Variants in DYNC1H1 observed in about 807,000 individuals in gnomAD.
The protein encoded by DYNC1H1 is dynein cytoplasmic 1 heavy chain 1.
In DYNC1H1, 51 loss-of-function variants were observed where a neutral mutation model predicts 527.1. The ratio of observed to expected loss-of-function variants is 0.10; its 90% CI spans 0.08 to 0.12. DYNC1H1 has a LOEUF of 0.12. DYNC1H1 is among the 10% of genes least tolerant of loss of function. The pLI, the probability that DYNC1H1 is intolerant of heterozygous loss-of-function variation, is 1.00. For synonymous variants in DYNC1H1, 2,189 were observed against 2,278.8 expected (o/e 0.96, Z 1.12); for missense variants, 2,771 against 5,971.8 (o/e 0.46, Z 17.66).
Position 102,018,623 on chromosome 14 carries a change from AG to A in DYNC1H1, c.8343+8del. The A allele has an allele frequency of 6.2e-7, 1 of 1,613,428 alleles. No homozygotes were observed. The highest frequency in any genetic ancestry group is 8.5e-7 in the Non-Finnish European group (1 of 1,179,990). ...GTTCTACACCATGTCTCAGGTACGC[AG>A]AGTTTCTTTGCTCTTCCAGAAATTG... On this transcript the variant is annotated splice_region_variant and intron_variant, in intron 41 of 77. Coordinates refer to ENST00000360184, the MANE Select transcript of DYNC1H1 (RefSeq NM_001376.5). This position sits in a 1 kb window ranked among gnomAD's most constrained non-coding sequence, Gnocchi z 5.2.
intron 2 of DYNC1H1, among the ~76,000 whole-genome samples, chr14:101,978,944 A>G (rs1464123981): frequency 2.6e-5 from 4 of 152,222 alleles, no homozygotes; most frequent in Non-Finnish European, 4.4e-5. Flanking sequence ...GGACCAGACT[A>G]AGGGGAGCCT....
At chr14:102,003,651 C>G (rs75895593) in intron 23 of DYNC1H1, among the ~76,000 whole-genome samples, 1 of 152,120 alleles carries the variant, frequency 6.6e-6, no homozygotes, top group Non-Finnish European at 1.5e-5. Context: ...GTTAATAGGC[C>G]GGGCGTGGTG....
intron 42 of DYNC1H1, among the ~76,000 whole-genome samples, chr14:102,021,656 C>CTTTTT (rs757880988): frequency 2.5e-4 from 30 of 119,818 alleles, no homozygotes; most frequent in East Asian, 7.2e-4. Context: ...TTTTCTTTTT[C>CTTTTT]TTTTTTTTTT....
At position 102,000,402 on chromosome 14, in the gene DYNC1H1, A is replaced by G; in HGVS notation, c.4074+3A>G. The G allele has an allele frequency of 6.2e-7, 1 of 1,613,684 alleles. No individual in the cohort carries two copies. The highest frequency in any genetic ancestry group is 8.5e-7 in the Non-Finnish European group (1 of 1,179,626). ...GGGTTTCAGTACAGCCTCGAAAGGTATATCATGAAATCGGTGTTTGTGTAC... is the reference window on the plus strand; with the variant it reads ...GGGTTTCAGTACAGCCTCGAAAGGTGTATCATGAAATCGGTGTTTGTGTAC... On this transcript the variant is annotated splice_donor_region_variant and intron_variant, in intron 18 of 77. Transcript: ENST00000360184.
rs1257253649 is a variant in DYNC1H1, at chr14:102,016,178, G to A, written c.7473+92G>A. 5.9e-6 allele frequency: 9 copies of A among 1,517,840 alleles called. No individual in the cohort carries two copies. The highest frequency in any genetic ancestry group is 2.4e-5 in the South Asian group (2 of 83,554). 94.0% of individuals were successfully genotyped at this position (1,517,840 alleles called of 1,614,324 possible). ...AAATGCTGCACCTGTGGGGATGTGC[G>A]CTCTCTCCTAGGCGAGGCAGAGCCT... On this transcript the variant is annotated intron_variant, in intron 36 of 77. Transcript: ENST00000360184. This position sits in a 1 kb window ranked among gnomAD's most constrained non-coding sequence, Gnocchi z 7.3.
At position 101,965,324 on chromosome 14, in the gene DYNC1H1, C is replaced by G. The variant is rs1430384773; in HGVS notation, c.256+377C>G. Among the ~76,000 whole-genome samples the G allele has an allele frequency of 1.3e-5, 2 of 152,234 alleles. No homozygotes were observed. The highest frequency in any genetic ancestry group is 4.8e-5 in the African/African-American group (2 of 41,466). Reference sequence around the variant, plus strand: ...GCCGAGTTGGGTGGAGACAGCGTCTCCCTGGGCTGAGAGCGGGCGAGGCCG... The same window carrying G: ...GCCGAGTTGGGTGGAGACAGCGTCTGCCTGGGCTGAGAGCGGGCGAGGCCG... On this transcript the variant is annotated intron_variant, in intron 1 of 77. Coordinates refer to ENST00000360184, the MANE Select transcript of DYNC1H1 (RefSeq NM_001376.5). The surrounding 1 kb of genome is among the most constrained non-coding windows in gnomAD (Gnocchi z 4.1).
chr14:102,001,640 A>C lies in DYNC1H1; in HGVS notation c.4501A>C (p.Ile1501Leu), dbSNP rs368821864. The C allele has an allele frequency of 6.8e-6, 11 of 1,614,120 alleles. No homozygotes were observed. Among genetic ancestry groups the C allele is most frequent in the Non-Finnish European group, 9.3e-6 (11 of 1,180,054 alleles). ...DDLFNKVKEH[I>L]NSVSAMKLSP... ...CCTCTTCAACAAGGTCAAAGAACAC[A>C]TCAACAGCGTCTCGGCCATGAAGCT... The change falls in exon 21 of 78, where the codon ATC becomes CTC. Residue 1501 changes from isoleucine to leucine, a missense_variant. Ile to Leu is a conservative substitution (Grantham distance 5). This residue lies in a region of DYNC1H1 where 223 missense variants were observed against 462.5 expected (regional missense o/e 0.48). Transcript: ENST00000360184. The surrounding 1 kb of genome is among the most constrained non-coding windows in gnomAD (Gnocchi z 5.0).
intron 5 of DYNC1H1, among the ~76,000 whole-genome samples, chr14:101,981,104 T>G (rs1219220464): frequency 6.6e-6 from 1 of 152,152 alleles, no homozygotes; most frequent in East Asian, 1.9e-4. Flanking sequence ...TTGTTTTGTT[T>G]TTTTCTTTTT....
chr14:102,043,845 G>T, intron 69 of DYNC1H1, 30 bp from the exon 70 acceptor site: 2 of 1,614,058 alleles, frequency 1.2e-6, no homozygotes, highest in South Asian at 2.2e-5. Context: ...GTTTTCTAAT[G>T]ACTCTGTGCT....
At chr14:101,999,027 T>A (rs1294255787) in intron 16 of DYNC1H1, among the ~76,000 whole-genome samples, 1 of 151,418 alleles carries the variant, frequency 6.6e-6, no homozygotes, top group Non-Finnish European at 1.5e-5. Flanking sequence ...GACTACAGGC[T>A]CCCGCCACCA....
At position 102,004,012 on chromosome 14, in the gene DYNC1H1, C is replaced by A. The variant is rs946414241; in HGVS notation, c.4884-506C>A. 6.6e-5 allele frequency among the ~76,000 whole-genome samples: 10 copies of A among 151,934 alleles called. No homozygotes were observed. In the East Asian group the frequency reaches 1.8e-3, roughly 27 times the overall value. On this transcript the variant is annotated intron_variant, in intron 23 of 77. Coordinates refer to ENST00000360184, the MANE Select transcript of DYNC1H1 (RefSeq NM_001376.5). ...ATCCCAGCACTTTGGGTGGCCGAGG[C>A]GGGCGGATCACGAGGTCAGGAGATC... is the stretch of plus-strand genomic sequence containing the variant.
intron 1 of DYNC1H1, among the ~76,000 whole-genome samples, chr14:101,966,049 A>G (rs2047664149): frequency 6.6e-6 from 1 of 152,212 alleles, no homozygotes; most frequent in Admixed American, 6.5e-5. Context: ...ATGATGTCCA[A>G]GGTTAGCCTC....
intron 77 of DYNC1H1, 38 bp downstream of exon 77, chr14:102,050,236 A>G: frequency 6.2e-7 from 1 of 1,613,340 alleles, no homozygotes. Flanking sequence ...TTCTGCAGGG[A>G]CCCCTGCGGT....
In DYNC1H1 at chr14:102,009,932, G is replaced by A; in HGVS notation, c.6067G>A (p.Ala2023Thr). 6.2e-7 allele frequency: 1 copy of A among 1,614,006 alleles called. No homozygotes were observed. The highest frequency in any genetic ancestry group is 8.5e-7 in the Non-Finnish European group (1 of 1,180,010). ...CTTCATCACCATGAACCCTGGCTAC[G>A]CGGGCCGGTCTAACCTTCCTGACAA... is the stretch of plus-strand genomic sequence containing the variant. Reference protein sequence around the residue: ...AIFITMNPGYAGRSNLPDNLK... With the variant: ...AIFITMNPGYTGRSNLPDNLK... The change falls in exon 30 of 78, where the codon GCG becomes ACG. Residue 2023 changes from alanine to threonine, a missense_variant. By Grantham distance (58) the Ala-to-Thr change is moderately conservative. Transcript: ENST00000360184.
In DYNC1H1 at chr14:102,022,784, T is replaced by A; in HGVS notation, c.8541T>A (p.Asp2847Glu). Residue 2847 changes from aspartate (D) to glutamate (E), a missense_variant, in exon 43 of 78, where the codon GAT (aspartate) becomes GAA (glutamate). This residue lies in a region of DYNC1H1 where 163 missense variants were observed against 346.9 expected (regional missense o/e 0.47). Transcript: ENST00000360184. ...AGGATGAGGAGAGGCGTTGGACTGA[T>A]GAGAACATCGACACGGTTGCTCTGA... ...LVEDEERRWT[D>E]ENIDTVALKH... is the part of the protein sequence containing the mutation. 1 of 1,614,134 alleles carries A rather than the reference T, an allele frequency of 6.2e-7. No individual in the cohort carries two copies. The highest frequency in any genetic ancestry group is 8.5e-7 in the Non-Finnish European group (1 of 1,180,020).
Position 102,001,508 on chromosome 14 carries a change from A to G in DYNC1H1, c.4396-27A>G, listed in dbSNP as rs1196094608. The G allele has an allele frequency of 6.2e-7, 1 of 1,614,174 alleles. No homozygotes were observed. ...GGTAGTGAATGCCCACATATTGATA[A>G]CATGCATCTTTCTGGTTTGAATTCA... is the stretch of plus-strand genomic sequence containing the variant. On this transcript the variant is annotated intron_variant, in intron 20 of 77. Coordinates refer to ENST00000360184, the MANE Select transcript of DYNC1H1 (RefSeq NM_001376.5). The surrounding 1 kb of genome is among the most constrained non-coding windows in gnomAD (Gnocchi z 5.0).
chr14:102,036,639 C>T lies in DYNC1H1; in HGVS notation c.10905C>T (p.Val3635=). 1 of 1,614,014 alleles carries T rather than the reference C, an allele frequency of 6.2e-7. No homozygotes were observed. The highest frequency in any genetic ancestry group is 1.1e-5 in the South Asian group (1 of 91,042). Residue 3635 remains valine (V), a synonymous_variant, in exon 57 of 78, where the codon GTC becomes GTT. Transcript: ENST00000360184. The surrounding 1 kb of genome is among the most constrained non-coding windows in gnomAD (Gnocchi z 5.6). Reference sequence around the variant, plus strand: ...TGAGATTCGGTAACCCCCTTCTGGTCCAGGTTGGTGTTGGCCTTTGAATTC... The same window carrying T: ...TGAGATTCGGTAACCCCCTTCTGGTTCAGGTTGGTGTTGGCCTTTGAATTC... ...SALRFGNPLL[V]QDVESYDPVL... is the part of the protein sequence containing the mutation.
In DYNC1H1 at chr14:101,979,504, G is replaced by C. The variant is rs1216126242; in HGVS notation, c.518+12G>C. 2 of 1,614,012 alleles carry C rather than the reference G, an allele frequency of 1.2e-6. No individual in the cohort carries two copies. Among genetic ancestry groups the C allele is most frequent in the East Asian group, 2.2e-5 (1 of 44,882 alleles). On this transcript the variant is annotated intron_variant, in intron 3 of 77. Coordinates refer to ENST00000360184, the MANE Select transcript of DYNC1H1 (RefSeq NM_001376.5). This position sits in a 1 kb window ranked among gnomAD's most constrained non-coding sequence, Gnocchi z 4.6. ...GGCAAGGCAGACAGGTAAAAACTGT[G>C]GTTTGAATGTTATATTTCACTTAAT...
chr14:101,992,706 C>T (rs1244770432), intron 11 of DYNC1H1, among the ~76,000 whole-genome samples: 2 of 152,154 alleles, frequency 1.3e-5, no homozygotes, highest in Non-Finnish European at 2.9e-5. Context: ...TCTGTGTGAT[C>T]GCCCATAGCC....
Sources: gnomAD v4.1 joint callset for allele counts (sites outside exome capture counted in the v4.1 genomes callset) on GRCh38, gnomAD v4.1.1 for gene constraint, gnomAD v4.1.1 regional missense constraint, Gnocchi (gnomAD v3.1) non-coding constraint, MANE v1.5 for transcripts, NCBI Gene and HGNC (gene_info 2026-07-23, HGNC 2026-07-21) for gene names.